MORC3: variants seen among roughly 807,000 people sequenced by gnomAD.
MORC3 encodes MORC family CW-type zinc finger protein 3.
MORC3 carries 31 observed loss-of-function variants against 109.1 expected under a neutral mutation model. That is an observed-to-expected ratio of 0.28 (90% CI 0.21 to 0.38). MORC3 has a LOEUF of 0.38. Among genes scored for constraint, MORC3 ranks in the 10% least tolerant of loss-of-function variants. The pLI is 1.00. For synonymous variants in MORC3, 395 were observed against 380.7 expected, an observed-to-expected ratio of 1.04 and a Z score of -0.44; for missense variants, 867 against 1,135.8, an observed-to-expected ratio of 0.76 and a Z score of 3.40.
chr21:36,376,116 A>C lies in MORC3; in HGVS notation c.*820A>C, dbSNP rs138313100. 6.6e-6 allele frequency: 1 copy of C among 152,526 alleles called. No individual in the cohort carries two copies. Among genetic ancestry groups the C allele is most frequent in the Non-Finnish European group, 1.5e-5 (1 of 68,014 alleles). The allele number at this position is 152,526 out of a possible 1,614,324, so 9.4% of individuals were successfully genotyped here. On this transcript the variant is annotated 3_prime_UTR_variant, in exon 17 of 17. Coordinates refer to ENST00000400485, the MANE Select transcript of MORC3 (RefSeq NM_015358.3). The stretch of plus-strand genomic sequence containing the variant: ...TGTAGGATTACTACAGGTTAATGTG[A>C]GTTGAGGAAGACAGTCTTTCTCAAA...
intron 2 of MORC3, among the ~76,000 whole-genome samples, chr21:36,333,924 A>G (rs556124894): frequency 1.5e-3 from 222 of 151,954 alleles, no homozygotes; most frequent in African/African-American, 5.1e-3. Context: ...CTGGGACTAC[A>G]GGCACCTGCC....
intron 9 of MORC3, among the ~76,000 whole-genome samples, chr21:36,353,765 T>TTTTTTTTTTTTTTTTTA (rs1349219129): frequency 2.9e-5 from 4 of 136,166 alleles, no homozygotes; most frequent in African/African-American, 1.1e-4. Context: ...ATTTTTTTTT[T>TTTTTTTTTTTTTTTTTA]TTTTTTTTTT....
In MORC3 at chr21:36,357,706, C is replaced by T. The variant is rs74854865; in HGVS notation, c.1208+982C>T. On this transcript the variant is annotated intron_variant, in intron 10 of 16. Transcript: ENST00000400485. ...AAACCTCTAGATTGTTTTGAAGTTTCGGATTTGTTTGGTTGGTTGGTTGGG... is the reference window on the plus strand; with the variant it reads ...AAACCTCTAGATTGTTTTGAAGTTTTGGATTTGTTTGGTTGGTTGGTTGGG... Among the ~76,000 whole-genome samples, 51 of 147,184 alleles carry T rather than the reference C, an allele frequency of 3.5e-4. No homozygotes were observed. In the South Asian group the frequency reaches 7.2e-3, roughly 21 times the overall value.
chr21:36,365,610 T>C (rs1569107923), intron 14 of MORC3, among the ~76,000 whole-genome samples: 1 of 152,190 alleles, frequency 6.6e-6, no homozygotes, highest in Admixed American at 6.5e-5. Flanking sequence ...AGTCGGAGTT[T>C]GGCTTTTGTT....
chr21:36,363,252 C>G (rs549272904), intron 13 of MORC3, among the ~76,000 whole-genome samples: 4 of 152,090 alleles, frequency 2.6e-5, no homozygotes, highest in Non-Finnish European at 5.9e-5. Context: ...AACCCTGTCT[C>G]TACTAAAAAT....
intron 1 of MORC3, among the ~76,000 whole-genome samples, chr21:36,331,081 AGAG>A (rs1214408710): frequency 6.6e-6 from 1 of 152,240 alleles, no homozygotes; most frequent in Admixed American, 6.5e-5. Flanking sequence ...AAGTGTGGAC[AGAG>A]GAGAAGTAGA....
intron 3 of MORC3, 104 bp downstream of exon 3, chr21:36,337,110 T>C: frequency 1.5e-6 from 2 of 1,341,050 alleles, no homozygotes; most frequent in Non-Finnish European, 1.0e-6. Context: ...AATGAAATGC[T>C]GTATGTACAG....
intron 2 of MORC3, among the ~76,000 whole-genome samples, chr21:36,335,022 C>T (rs552763915): frequency 9.9e-5 from 15 of 152,022 alleles, no homozygotes; most frequent in Admixed American, 2.6e-4. Context: ...CCTAGTGACT[C>T]GGGAGTCTGA....
In MORC3 at chr21:36,358,113, G is replaced by A. The variant is rs191115392; in HGVS notation, c.1208+1389G>A. 2.9e-3 allele frequency among the ~76,000 whole-genome samples: 442 copies of A among 151,972 alleles called. 2 individuals are homozygous for A. Among genetic ancestry groups the A allele is most frequent in the African/African-American group, 9.8e-3 (405 of 41,490 alleles). On this transcript the variant is annotated intron_variant, in intron 10 of 16. Coordinates refer to ENST00000400485, the MANE Select transcript of MORC3 (RefSeq NM_015358.3). ...TTTAAAAAGCAGGCCAGGTACGTTG[G>A]ATCACATCTGTAATCCCAGCACTTT...
chr21:36,338,699 A>G, intron 4 of MORC3, 75 bp from the exon 5 acceptor site: 1 of 1,354,700 alleles, frequency 7.4e-7, no homozygotes, highest in African/African-American at 1.5e-5. Context: ...CTGTTATTTA[A>G]GTTTATAGAG....
intron 5 of MORC3, 29 bp downstream of exon 5, chr21:36,338,950 T>G: frequency 2.5e-6 from 4 of 1,610,046 alleles, no homozygotes; most frequent in Non-Finnish European, 3.4e-6. Flanking sequence ...GTTGACCGTT[T>G]GGGAAGTAAA....
Position 36,369,680 on chromosome 21 carries a change from C to G in MORC3, c.2312C>G (p.Ser771Cys). The change falls in exon 15 of 17, where the codon TCT becomes TGT. Residue 771 changes from serine to cysteine, a missense_variant. Ser to Cys is a moderately radical substitution (Grantham distance 112, BLOSUM62 -1). Coordinates refer to ENST00000400485, the MANE Select transcript of MORC3 (RefSeq NM_015358.3). ...GKSESPDHMV[S>C]QYQQALEEIE... ...TCTGAAAGTCCAGACCATATGGTAT[C>G]TCAGTATCAGCAAGCTTTGGAAGAA... is the stretch of plus-strand genomic sequence containing the variant. 2.5e-6 allele frequency: 4 copies of G among 1,614,154 alleles called. No homozygotes were observed. The highest frequency in any genetic ancestry group is 3.4e-6 in the Non-Finnish European group (4 of 1,180,034).
intron 1 of MORC3, among the ~76,000 whole-genome samples, chr21:36,329,886 G>A (rs1275261744): frequency 6.6e-6 from 1 of 151,378 alleles, no homozygotes; most frequent in Non-Finnish European, 1.5e-5. Context: ...TTTTGAGACG[G>A]AGTTTCGCTC....
chr21:36,364,328 C>T, intron 14 of MORC3, 69 bp downstream of exon 14: 11 of 1,481,552 alleles, frequency 7.4e-6, no homozygotes, highest in Non-Finnish European at 1.0e-5. Context: ...ACTTCTGTGA[C>T]AGTGATGCAA....
chr21:36,326,846 C>A (rs1045866116), intron 1 of MORC3, among the ~76,000 whole-genome samples: 1 of 150,254 alleles, frequency 6.7e-6, no homozygotes, highest in African/African-American at 2.5e-5. Flanking sequence ...GACCGAGTCT[C>A]GCTCTGTCGC....
intron 14 of MORC3, among the ~76,000 whole-genome samples, chr21:36,365,061 A>AAAC (rs1555909431): frequency 2.0e-5 from 3 of 151,726 alleles, no homozygotes; most frequent in Non-Finnish European, 4.4e-5. Flanking sequence ...CAAAAAAAAA[A>AAAC]AAAAAAAAAC....
At chr21:36,346,873 G>C (rs2085513668) in intron 8 of MORC3, among the ~76,000 whole-genome samples, 1 of 151,806 alleles carries the variant, frequency 6.6e-6, no homozygotes, top group African/African-American at 2.4e-5. Flanking sequence ...AGGTGTGGTT[G>C]TACGTCCTTG....
intron 1 of MORC3, among the ~76,000 whole-genome samples, chr21:36,331,236 A>G (rs1253498930): frequency 6.6e-6 from 1 of 152,198 alleles, no homozygotes; most frequent in Non-Finnish European, 1.5e-5. Flanking sequence ...TCTGTTCAGA[A>G]TGAACAAAAA....
At position 36,320,315 on chromosome 21, in the gene MORC3, C is replaced by G; in HGVS notation, c.39+12C>G. 6.7e-7 allele frequency: 1 copy of G among 1,499,174 alleles called. No homozygotes were observed. The highest frequency in any genetic ancestry group is 8.9e-7 in the Non-Finnish European group (1 of 1,118,084). The allele number at this position is 1,499,174 out of a possible 1,614,324, so 92.9% of individuals were successfully genotyped here. On this transcript the variant is annotated intron_variant, in intron 1 of 16. Transcript: ENST00000400485. Reference sequence around the variant, plus strand: ...TACGCCTCAGCGCGGTGAGCAGCCGCGAGGGGTGGAGCGGGCCGTGTCCCA... The same window carrying G: ...TACGCCTCAGCGCGGTGAGCAGCCGGGAGGGGTGGAGCGGGCCGTGTCCCA...
Sources: allele counts gnomAD v4.1 joint callset (sites outside exome capture counted in the v4.1 genomes callset), GRCh38; gene constraint gnomAD v4.1.1; transcripts MANE v1.5; gene names NCBI Gene and HGNC (gene_info 2026-07-23, HGNC 2026-07-21).